GPC5: variants seen among roughly 807,000 people sequenced by gnomAD.
GPC5 encodes the protein glypican-5.
In GPC5, 47 loss-of-function variants were observed where a neutral mutation model predicts 53.9. That is an observed-to-expected ratio of 0.87 (90% CI 0.69 to 1.11). The LOEUF (loss-of-function observed/expected upper bound fraction) is 1.11, where lower values mean the gene tolerates loss of function less well. Among genes scored for constraint, GPC5 ranks in the 50% most tolerant of loss-of-function variants. The pLI is 0.00. For missense variants in GPC5, 748 were observed against 713.1 expected (o/e 1.05, Z -0.56); for synonymous variants, 286 against 263.3 (o/e 1.09, Z -0.84).
chr13:92,527,106 A>AAAAAAG (rs1491118468), intron 7 of GPC5, among the ~76,000 whole-genome samples: 1 of 42,088 alleles, frequency 2.4e-5, no homozygotes, highest in African/African-American at 6.7e-5. Context: ...GAAAAGAAAG[A>AAAAAAG]AAAAAGAAAG....
chr13:92,769,554 A>G (rs1225224980), intron 7 of GPC5, among the ~76,000 whole-genome samples: 2 of 152,156 alleles, frequency 1.3e-5, no homozygotes, highest in African/African-American at 4.8e-5. Flanking sequence ...CCTGGGCAAC[A>G]TGGTGAGCTC....
intron 7 of GPC5, among the ~76,000 whole-genome samples, chr13:92,512,250 G>GTGTGCA (rs1555339434): frequency 1.1e-4 from 6 of 52,902 alleles, no homozygotes; most frequent in African/African-American, 1.9e-4. Flanking sequence ...GTGTGTGTGT[G>GTGTGCA]CGCGCGCGCG....
At chr13:92,472,397 A>G (rs1475967024) in intron 7 of GPC5, among the ~76,000 whole-genome samples, 1 of 152,080 alleles carries the variant, frequency 6.6e-6, no homozygotes. Flanking sequence ...TGTTATGAAG[A>G]TTAAATAAGA....
At chr13:92,624,417 C>A (rs1884981440) in intron 7 of GPC5, among the ~76,000 whole-genome samples, 1 of 152,084 alleles carries the variant, frequency 6.6e-6, no homozygotes, top group South Asian at 2.1e-4. Flanking sequence ...CTAGGCAAAC[C>A]CTTTAATGGA....
At chr13:92,716,019 TTC>T (rs1003311358) in intron 7 of GPC5, among the ~76,000 whole-genome samples, 4 of 152,322 alleles carry the variant, frequency 2.6e-5, no homozygotes, top group African/African-American at 9.6e-5. Context: ...GCCTAAGTTT[TTC>T]TTTTTCCTTA....
At chr13:91,797,400 T>C (rs542498403) in intron 5 of GPC5, among the ~76,000 whole-genome samples, 7 of 152,236 alleles carry the variant, frequency 4.6e-5, no homozygotes, top group Non-Finnish European at 1.0e-4. Flanking sequence ...AAAATTAATA[T>C]AGAGAACACA....
chr13:91,988,932 A>G (rs188198405), intron 6 of GPC5, among the ~76,000 whole-genome samples: 1 of 152,102 alleles, frequency 6.6e-6, no homozygotes, highest in Admixed American at 6.5e-5. Context: ...CCTGGGAGGC[A>G]GGCAGGGCAA....
chr13:91,893,913 A>T (rs2039414360), intron 5 of GPC5, among the ~76,000 whole-genome samples: 1 of 150,638 alleles, frequency 6.6e-6, no homozygotes, highest in South Asian at 2.1e-4. Flanking sequence ...TTACTTAACT[A>T]GTCTATGAGG....
chr13:91,740,823 C>T (rs1374995801), intron 4 of GPC5, among the ~76,000 whole-genome samples: 2 of 152,144 alleles, frequency 1.3e-5, no homozygotes, highest in Non-Finnish European at 2.9e-5. Context: ...CTGCTCTCTG[C>T]TTGATTTCTT....
intron 7 of GPC5, among the ~76,000 whole-genome samples, chr13:92,552,526 C>T (rs76209326): frequency 6.6e-6 from 1 of 151,824 alleles, no homozygotes; most frequent in Non-Finnish European, 1.5e-5. Context: ...AGTGCTAAGG[C>T]TCAAATTTGC....
intron 1 of GPC5, among the ~76,000 whole-genome samples, chr13:91,444,375 A>G (rs888513253): frequency 4.0e-5 from 6 of 151,086 alleles, no homozygotes; most frequent in Non-Finnish European, 5.9e-5. Flanking sequence ...ATTCCAGCAT[A>G]TTTTTTCTTG....
intron 7 of GPC5, among the ~76,000 whole-genome samples, chr13:92,273,782 A>C (rs74869591): frequency 6.6e-6 from 1 of 152,186 alleles, no homozygotes; most frequent in Non-Finnish European, 1.5e-5. Flanking sequence ...GTTCAGGGGA[A>C]ATAGTTACAA....
chr13:92,589,536 C>T (rs1019199638), intron 7 of GPC5, among the ~76,000 whole-genome samples: 4 of 152,120 alleles, frequency 2.6e-5, no homozygotes, highest in Non-Finnish European at 5.9e-5. Flanking sequence ...ATGTTTTATT[C>T]TTCCTAAACA....
At chr13:92,144,782 G>A (rs752306141) in intron 6 of GPC5, 48 bp from the exon 7 acceptor site, 7 of 1,549,460 alleles carry the variant, frequency 4.5e-6, no homozygotes, top group Non-Finnish European at 6.2e-6. Flanking sequence ...GAATTCTTAT[G>A]TTATTCAAAT....
At chr13:92,522,573 A>G (rs1881103456) in intron 7 of GPC5, among the ~76,000 whole-genome samples, 1 of 152,096 alleles carries the variant, frequency 6.6e-6, no homozygotes. Context: ...AACCATGAGA[A>G]CACTTGGACA....
At chr13:91,737,672 G>A (rs1566649372) in intron 4 of GPC5, among the ~76,000 whole-genome samples, 1 of 151,380 alleles carries the variant, frequency 6.6e-6, no homozygotes, top group African/African-American at 2.5e-5. Flanking sequence ...TGTGTATTAT[G>A]AAAATTTTGT....
At chr13:92,268,233 C>CA (rs573377413) in intron 7 of GPC5, among the ~76,000 whole-genome samples, 3 of 151,384 alleles carry the variant, frequency 2.0e-5, no homozygotes, top group South Asian at 2.1e-4. Flanking sequence ...TTTGAAATTT[C>CA]AAAAAAAGGT....
intron 5 of GPC5, among the ~76,000 whole-genome samples, chr13:91,891,917 A>C (rs2039390800): frequency 6.6e-6 from 1 of 152,118 alleles, no homozygotes; most frequent in Non-Finnish European, 1.5e-5. Context: ...GCCTCAAGAG[A>C]ATTCAAAACA....
At chr13:91,927,204 T>C (rs1475804273) in intron 6 of GPC5, among the ~76,000 whole-genome samples, 1 of 152,198 alleles carries the variant, frequency 6.6e-6, no homozygotes, top group African/African-American at 2.4e-5. Flanking sequence ...TGGATTTTTG[T>C]GCTCACCATT....
Sources: gnomAD v4.1 joint callset for allele counts (sites outside exome capture counted in the v4.1 genomes callset) on GRCh38, gnomAD v4.1.1 for gene constraint, MANE v1.5 for transcripts, NCBI Gene and HGNC (gene_info 2026-07-23, HGNC 2026-07-21) for gene names.